The following POLR2E variants were observed in gnomAD, a reference collection of about 807,000 sequenced individuals.
POLR2E encodes RNA polymerase II, I and III subunit E.
In POLR2E, 35 loss-of-function variants were observed where a neutral mutation model predicts 29.8. That is an observed-to-expected ratio of 1.17 (90% confidence interval 0.90 to 1.55). The LOEUF (loss-of-function observed/expected upper bound fraction) is 1.55. Ranked by LOEUF, POLR2E falls within the 40% of genes most tolerant of loss-of-function variation. POLR2E has a pLI of 0.00. For missense variants in POLR2E, 287 were observed against 288.6 expected, an observed-to-expected ratio of 0.99 and a Z score of 0.04; for synonymous variants, 174 against 112.6, an observed-to-expected ratio of 1.55 and a Z score of -3.45.
rs747622772 is a variant in POLR2E at position 1,094,067 on chromosome 19, G to A, written c.69C>T (p.Asp23=). 6.2e-7 allele frequency: 1 copy of A among 1,611,314 alleles called. No homozygotes were observed. Among genetic ancestry groups the A allele is most frequent in the Non-Finnish European group, 8.5e-7 (1 of 1,178,836 alleles). ...IRKTIMQLCH[D]RGYLVTQDEL... ...CGTCCTGGGTCACCAGATAGCCACG[G>A]TCGTGGCACAGCTGCAGAGAGAAAG... The change falls in exon 2 of 8, where the codon GAC becomes GAT. Residue 23 remains aspartate, a synonymous_variant. Coordinates refer to ENST00000615234, the MANE Select transcript of POLR2E (RefSeq NM_002695.5).
intron 1 of POLR2E, 107 bp downstream of exon 1, chr19:1,095,152 A>G (rs10416031): frequency 0.7 from 851,141 of 1,212,528 alleles, 302,449 homozygotes; most frequent in East Asian, 0.97. Flanking sequence ...CCGGCCCTTC[A>G]TCGCTGCTGC....
chr19:1,086,953 C>G lies in POLR2E; in HGVS notation c.*1782G>C, dbSNP rs906586702. 1.3e-5 allele frequency: 2 copies of G among 152,092 alleles called. No homozygotes were observed. The highest frequency in any genetic ancestry group is 4.8e-5 in the African/African-American group (2 of 41,408). The allele number at this position is 152,092 out of a possible 1,614,324, so 9.4% of individuals were successfully genotyped here. ...TTCGCACGTCAGCCCCACATGGCCA[C>G]CAAGCACTGGAAACGTGGCCCATGC... On this transcript the variant is annotated 3_prime_UTR_variant, in exon 8 of 8. Transcript: ENST00000615234.
chr19:1,089,298 G>A (rs1435505722), intron 7 of POLR2E, among the ~76,000 whole-genome samples, 174 bp downstream of exon 7: 1 of 152,186 alleles, frequency 6.6e-6, no homozygotes, highest in Non-Finnish European at 1.5e-5. Context: ...GCAGCCTACG[G>A]TCGGGTGGGG....
intron 1 of POLR2E, chr19:1,094,408 G>A: frequency 3.3e-6 from 1 of 303,932 alleles, no homozygotes; most frequent in Non-Finnish European, 6.1e-6. Flanking sequence ...GGCGGGGCGC[G>A]GAGGCTCACG....
Position 1,088,111 on chromosome 19 carries a change from T to G in POLR2E, c.*624A>C, listed in dbSNP as rs904628142. ...GGGCACACCTGCCAGGCTGACCTCGTGTGCTTGGGGTGAGGCAAGGCCACC... is the reference window on the plus strand; with the variant it reads ...GGGCACACCTGCCAGGCTGACCTCGGGTGCTTGGGGTGAGGCAAGGCCACC... On this transcript the variant is annotated 3_prime_UTR_variant, in exon 8 of 8. Transcript: ENST00000615234. The G allele has an allele frequency of 3.3e-5, 5 of 152,404 alleles. No individual in the cohort carries two copies. Among genetic ancestry groups the G allele is most frequent in the Admixed American group, 2.6e-4 (4 of 15,284 alleles). The allele number at this position is 152,404 out of a possible 1,614,324, so 9.4% of individuals were successfully genotyped here. A position where few individuals can be genotyped will look rare whatever the true frequency, so the allele number is the denominator to read the frequency against.
intron 2 of POLR2E, 181 bp downstream of exon 2, chr19:1,093,723 T>C (rs748516427): frequency 1.7e-5 from 24 of 1,384,620 alleles, no homozygotes; most frequent in Non-Finnish European, 2.0e-5. Context: ...AAGCTGAGCA[T>C]GAGAGGGGTC....
At chr19:1,090,363 G>A (rs2043802620) in intron 4 of POLR2E, among the ~76,000 whole-genome samples, 1 of 147,716 alleles carries the variant, frequency 6.8e-6, no homozygotes, top group South Asian at 2.3e-4. Context: ...GCTGGGCACA[G>A]CCACCTCCTG....
chr19:1,086,851 C>T lies in POLR2E; in HGVS notation c.*1884G>A, dbSNP rs2043686113. On this transcript the variant is annotated 3_prime_UTR_variant, in exon 8 of 8. Transcript: ENST00000615234. Reference sequence around the variant, plus strand: ...TGCAGACGGTCAGGCATCGAATGACCTCGTCACGTCCACCTGCAGCCCAGG... The same window carrying T: ...TGCAGACGGTCAGGCATCGAATGACTTCGTCACGTCCACCTGCAGCCCAGG... The T allele has an allele frequency of 6.6e-6, 1 of 152,188 alleles. No homozygotes were observed. The highest frequency in any genetic ancestry group is 1.9e-4 in the East Asian group (1 of 5,206). The allele number at this position is 152,188 out of a possible 1,614,324, so 9.4% of individuals were successfully genotyped here. A position where few individuals can be genotyped will look rare whatever the true frequency, so the allele number is the denominator to read the frequency against.
Position 1,087,426 on chromosome 19 carries a change from T to TA in POLR2E, c.*1308dup, listed in dbSNP as rs1389487168. 1.3e-5 allele frequency: 2 copies of TA among 152,330 alleles called. 1 individual carries two copies. Among genetic ancestry groups the TA allele is most frequent in the Non-Finnish European group, 2.9e-5 (2 of 68,124 alleles). 9.4% of individuals were successfully genotyped at this position (152,330 alleles called of 1,614,324 possible). On this transcript the variant is annotated 3_prime_UTR_variant, in exon 8 of 8. Transcript: ENST00000615234. Reference sequence around the variant, plus strand: ...CCTCGGCCTCCCAAAGTGCTGGGATTACAGGCGTGAGCCACCGCGCCCGGC... The same window carrying TA: ...CCTCGGCCTCCCAAAGTGCTGGGATTAACAGGCGTGAGCCACCGCGCCCGGC...
chr19:1,095,353 CCG>C lies in POLR2E; in HGVS notation c.-40_-39del. On this transcript the variant is annotated 5_prime_UTR_variant, in exon 1 of 8. Coordinates refer to ENST00000615234, the MANE Select transcript of POLR2E (RefSeq NM_002695.5). Reference sequence around the variant, plus strand: ...CGCCGCCGCCGCTCGCACCCCTTCTCCGCGCGAGAACCCGCGCGGACTGCGCC... The same window carrying C: ...CGCCGCCGCCGCTCGCACCCCTTCTCCGCGAGAACCCGCGCGGACTGCGCC... 6.2e-7 allele frequency: 1 copy of C among 1,611,216 alleles called. No individual in the cohort carries two copies. Among genetic ancestry groups the C allele is most frequent in the Non-Finnish European group, 8.5e-7 (1 of 1,178,784 alleles).
intron 1 of POLR2E, chr19:1,095,044 C>CA (rs1205262909): frequency 3.6e-6 from 2 of 551,068 alleles, no homozygotes; most frequent in Non-Finnish European, 6.4e-6. Flanking sequence ...CTAAGCACCG[C>CA]ACCCAGACGT....
chr19:1,093,247 A>G (rs2145146246), intron 2 of POLR2E, among the ~76,000 whole-genome samples: 1 of 152,232 alleles, frequency 6.6e-6, no homozygotes, highest in South Asian at 2.1e-4. Flanking sequence ...CGGTTGGCAG[A>G]CGTGCTCCGT....
In POLR2E at chr19:1,088,895, C is replaced by T. The variant is rs573963242; in HGVS notation, c.*15-175G>A. Among the ~76,000 whole-genome samples the T allele has an allele frequency of 1.3e-3, 197 of 152,084 alleles. 2 individuals are homozygous for T. Among genetic ancestry groups the T allele is most frequent in the East Asian group, 6.0e-3 (31 of 5,182 alleles). ...GCGGTCACACAGGCGTGGGCAGTAG[C>T]TCTGACCTCAAAGGAACCGTGCCAG... On this transcript the variant is annotated intron_variant, in intron 7 of 7. Transcript: ENST00000615234.
intron 1 of POLR2E, 92 bp downstream of exon 1, chr19:1,095,167 A>G (rs2043913945): frequency 1.5e-6 from 2 of 1,335,854 alleles, no homozygotes; most frequent in Non-Finnish European, 2.1e-6. Flanking sequence ...TGCTGCTCCG[A>G]CGAGAGTACG....
At chr19:1,092,013 T>C (rs1488037583) in intron 2 of POLR2E, 106 bp from the exon 3 acceptor site, 4 of 766,492 alleles carry the variant, frequency 5.2e-6, no homozygotes, top group Non-Finnish European at 9.1e-6. Flanking sequence ...CACAGGTGTC[T>C]CTCCTGCTCG....
At chr19:1,093,469 G>A (rs112536956) in intron 2 of POLR2E, among the ~76,000 whole-genome samples, 1 of 152,192 alleles carries the variant, frequency 6.6e-6, no homozygotes, top group South Asian at 2.1e-4. Context: ...AGGGGAGAGG[G>A]GGCATGGGGT....
chr19:1,093,964 G>A lies in POLR2E; in HGVS notation c.172C>T (p.Leu58Phe). ...TCGTTGTGGGCCACCAGCACGGTGA[G>A]GTCCGTGCGCCGCGGCCGCCCCTCA... ...PSEGRPRRTD[L>F]TVLVAHNDDP... is the part of the protein sequence containing the mutation. The change falls in exon 2 of 8, where the codon CTC becomes TTC. Residue 58 changes from leucine to phenylalanine, a missense_variant. By Grantham distance (22) the Leu-to-Phe change is conservative. Coordinates refer to ENST00000615234, the MANE Select transcript of POLR2E (RefSeq NM_002695.5). The A allele has an allele frequency of 6.2e-7, 1 of 1,613,608 alleles. No individual in the cohort carries two copies.
At chr19:1,089,198 C>T (rs1015338032) in intron 7 of POLR2E, among the ~76,000 whole-genome samples, 1 of 152,232 alleles carries the variant, frequency 6.6e-6, no homozygotes, top group Non-Finnish European at 1.5e-5. Flanking sequence ...TGCAGGTGAA[C>T]GTCTCCTGCT....
Position 1,093,688 on chromosome 19 carries a change from G to A in POLR2E, c.232+216C>T. On this transcript the variant is annotated intron_variant, in intron 2 of 7. Transcript: ENST00000615234. Reference sequence around the variant, plus strand: ...TCTCCTCGTTGGCAGGAAGAGAGAAGGGGACTGAGAGGGAAACTAGAAAGA... The same window carrying A: ...TCTCCTCGTTGGCAGGAAGAGAGAAAGGGACTGAGAGGGAAACTAGAAAGA... 8 of 1,308,096 alleles carry A rather than the reference G, an allele frequency of 6.1e-6. No homozygotes were observed. The South Asian group carries it at 1.1e-4, about 18-fold the overall frequency. The allele number at this position is 1,308,096 out of a possible 1,614,324, so 81.0% of individuals were successfully genotyped here.
Sources: allele counts gnomAD v4.1 joint callset (sites outside exome capture counted in the v4.1 genomes callset), GRCh38; gene constraint gnomAD v4.1.1; transcripts MANE v1.5; gene names NCBI Gene and HGNC (gene_info 2026-07-23, HGNC 2026-07-21).